SLC2A4: variants seen among roughly 807,000 people sequenced by gnomAD.
SLC2A4 encodes solute carrier family 2, facilitated glucose transporter member 4.
SLC2A4 carries 31 observed loss-of-function variants against 53.3 expected under a neutral mutation model. The observed-to-expected ratio is 0.58, with a 90% CI of 0.44 to 0.78. The LOEUF is 0.78. Among genes scored for constraint, SLC2A4 ranks in the 30% least tolerant of loss-of-function variants. The pLI, the probability that SLC2A4 is intolerant of heterozygous loss-of-function variation, is 0.00. For synonymous variants in SLC2A4, 276 were observed against 281.9 expected (o/e 0.98, Z 0.21); for missense variants, 538 against 655.7 (o/e 0.82, Z 1.96).
intron 10 of SLC2A4, 51 bp from the exon 11 acceptor site, chr17:7,286,375 C>A: frequency 6.4e-7 from 1 of 1,554,188 alleles, no homozygotes; most frequent in South Asian, 1.1e-5. Flanking sequence ...TGAAACTACC[C>A]CTTCCCTCCC....
Position 7,284,005 on chromosome 17 carries a change from G to T in SLC2A4, c.480G>T (p.Val160=). ...CATCAGGGCTGGTGCCCATGTACGTGGGGGAGATTGCTCCCACTCACCTGC... is the reference window on the plus strand; with the variant it reads ...CATCAGGGCTGGTGCCCATGTACGTTGGGGAGATTGCTCCCACTCACCTGC... The part of the protein sequence containing the change: ...GLTSGLVPMY[V]GEIAPTHLRG... The change falls in exon 5 of 11, where the codon GTG becomes GTT. Residue 160 remains valine (V), a synonymous_variant. Coordinates refer to ENST00000317370, the MANE Select transcript of SLC2A4 (RefSeq NM_001042.3). The surrounding 1 kb of genome is among the most constrained non-coding windows in gnomAD (Gnocchi z 7.5). 6.2e-7 allele frequency: 1 copy of T among 1,613,808 alleles called. No homozygotes were observed. Among genetic ancestry groups the T allele is most frequent in the Non-Finnish European group, 8.5e-7 (1 of 1,179,882 alleles).
Position 7,286,647 on chromosome 17 carries a change from G to C in SLC2A4, c.*18G>C. On this transcript the variant is annotated 3_prime_UTR_variant, in exon 11 of 11. Transcript: ENST00000317370. ...ACGACTGAGGGGCCAGGCAGGGGTGGGAGAGCCAGCTCTCTCTACCCGGCC... is the reference window on the plus strand; with the variant it reads ...ACGACTGAGGGGCCAGGCAGGGGTGCGAGAGCCAGCTCTCTCTACCCGGCC... The C allele has an allele frequency of 6.2e-7, 1 of 1,609,492 alleles. No individual in the cohort carries two copies. Among genetic ancestry groups the C allele is most frequent in the Admixed American group, 1.7e-5 (1 of 60,006 alleles).
chr17:7,282,034 G>C lies in SLC2A4; in HGVS notation c.33+67G>C, dbSNP rs1351113956. The C allele has an allele frequency of 7.1e-7, 1 of 1,401,390 alleles. No individual in the cohort carries two copies. Among genetic ancestry groups the C allele is most frequent in the Middle Eastern group, 1.9e-4 (1 of 5,328 alleles). The allele number at this position is 1,401,390 out of a possible 1,614,324, so 86.8% of individuals were successfully genotyped here. A position where few individuals can be genotyped will look rare whatever the true frequency, so the allele number is the denominator to read the frequency against. On this transcript the variant is annotated intron_variant, in intron 1 of 10. Transcript: ENST00000317370. The surrounding 1 kb of genome is among the most constrained non-coding windows in gnomAD (Gnocchi z 4.1). ...CCCGCTTTTCTTGGGCTGGGGTCGC[G>C]GTTGGGGTCAGCTGGGGGTGGTTCC...
rs2072434303 is a variant in SLC2A4 at position 7,284,781 on chromosome 17, G to A, written c.916-54G>A. ...AGGGTAGGGCCAGCCTGTTGTGGCT[G>A]GAGTAGAGGAAGGGGCATTCCTGCC... On this transcript the variant is annotated intron_variant, in intron 7 of 10. Transcript: ENST00000317370. This position sits in a 1 kb window ranked among gnomAD's most constrained non-coding sequence, Gnocchi z 7.5. 6.2e-7 allele frequency: 1 copy of A among 1,612,142 alleles called. No homozygotes were observed. The highest frequency in any genetic ancestry group is 8.5e-7 in the Non-Finnish European group (1 of 1,178,180).
intron 10 of SLC2A4, 195 bp from the exon 11 acceptor site, chr17:7,286,231 G>C (rs951758268): frequency 1.1e-5 from 8 of 700,130 alleles, no homozygotes; most frequent in Non-Finnish European, 1.8e-5. Flanking sequence ...CGAAAACTAA[G>C]AGTGTTTGGG....
At position 7,282,414 on chromosome 17, in the gene SLC2A4, T is replaced by G. The variant is rs2072410132; in HGVS notation, c.33+447T>G. The G allele has an allele frequency of 4.4e-6, 2 of 458,174 alleles. No homozygotes were observed. Among genetic ancestry groups the G allele is most frequent in the Non-Finnish European group, 4.4e-6 (1 of 228,390 alleles). The allele number at this position is 458,174 out of a possible 1,614,324, so 28.4% of individuals were successfully genotyped here. Reference sequence around the variant, plus strand: ...TGGCCGCCCTCCAGGACGCTGAACTTTCCCTTGGCCCCATGGTTGGTGGAG... The same window carrying G: ...TGGCCGCCCTCCAGGACGCTGAACTGTCCCTTGGCCCCATGGTTGGTGGAG... On this transcript the variant is annotated intron_variant, in intron 1 of 10. Coordinates refer to ENST00000317370, the MANE Select transcript of SLC2A4 (RefSeq NM_001042.3). The surrounding 1 kb of genome is among the most constrained non-coding windows in gnomAD (Gnocchi z 4.1).
chr17:7,285,921 G>A lies in SLC2A4; in HGVS notation c.1326+13G>A, dbSNP rs781011890. 68 of 1,607,752 alleles carry A rather than the reference G, an allele frequency of 4.2e-5. No homozygotes were observed. The highest frequency in any genetic ancestry group is 2.5e-4 in the African/African-American group (19 of 74,870). On this transcript the variant is annotated intron_variant, in intron 10 of 10. Coordinates refer to ENST00000317370, the MANE Select transcript of SLC2A4 (RefSeq NM_001042.3). The surrounding 1 kb of genome is among the most constrained non-coding windows in gnomAD (Gnocchi z 6.0). ...CCAGTATGTTGCGGTAGGTCCCCCC[G>A]CCCCAGCCTCCCACACCGTAGGCCA...
In SLC2A4 at chr17:7,287,782, T is replaced by G. The variant is rs2072464833; in HGVS notation, c.*1153T>G. The G allele has an allele frequency of 6.6e-6, 1 of 152,218 alleles. No homozygotes were observed. Among genetic ancestry groups the G allele is most frequent in the African/African-American group, 2.4e-5 (1 of 41,442 alleles). The allele number at this position is 152,218 out of a possible 1,614,324, so 9.4% of individuals were successfully genotyped here. A position where few individuals can be genotyped will look rare whatever the true frequency, so the allele number is the denominator to read the frequency against. On this transcript the variant is annotated 3_prime_UTR_variant, in exon 11 of 11. Transcript: ENST00000317370. ...TTGAGAGAAGAAACCAAAGGTCGGT[T>G]GTACTAAATGTATATATATAGATAC...
At position 7,285,938 on chromosome 17, in the gene SLC2A4, C is replaced by T. The variant is rs373852501; in HGVS notation, c.1326+30C>T. ...GTCCCCCCGCCCCAGCCTCCCACAC[C>T]GTAGGCCAGAGGTGGGCATCACACA... On this transcript the variant is annotated intron_variant, in intron 10 of 10. Transcript: ENST00000317370. The surrounding 1 kb of genome is among the most constrained non-coding windows in gnomAD (Gnocchi z 6.0). 57 of 1,594,388 alleles carry T rather than the reference C, an allele frequency of 3.6e-5. No individual in the cohort carries two copies. In the African/African-American group the frequency reaches 5.4e-4, roughly 15 times the overall value.
In SLC2A4 at chr17:7,285,590, C is replaced by A; in HGVS notation, c.1123-115C>A. ...AAGGGCCTGCTCTAACCCGGGACAGCAGGCCCCCTACAAGCTGCTGCGGAG... is the reference window on the plus strand; with the variant it reads ...AAGGGCCTGCTCTAACCCGGGACAGAAGGCCCCCTACAAGCTGCTGCGGAG... On this transcript the variant is annotated intron_variant, in intron 9 of 10. Transcript: ENST00000317370. The surrounding 1 kb of genome is among the most constrained non-coding windows in gnomAD (Gnocchi z 6.0). 2.0e-6 allele frequency: 2 copies of A among 997,676 alleles called. No homozygotes were observed. The highest frequency in any genetic ancestry group is 3.1e-6 in the Non-Finnish European group (2 of 639,896). 61.8% of individuals were successfully genotyped at this position (997,676 alleles called of 1,614,324 possible).
At position 7,282,001 on chromosome 17, in the gene SLC2A4, G is replaced by GGGGCC; in HGVS notation, c.33+34_33+35insGGGCC. ...CATCATGAGGGGGCGGGGCGGGGGG[G>GGGGCC]CACGGGTCCCGCTTTTCTTGGGCTG... On this transcript the variant is annotated intron_variant, in intron 1 of 10. Coordinates refer to ENST00000317370, the MANE Select transcript of SLC2A4 (RefSeq NM_001042.3). This position sits in a 1 kb window ranked among gnomAD's most constrained non-coding sequence, Gnocchi z 4.1. The GGGGCC allele has an allele frequency of 9.3e-6, 5 of 535,018 alleles. No homozygotes were observed. The highest frequency in any genetic ancestry group is 1.9e-5 in the Non-Finnish European group (5 of 269,450). 33.1% of individuals were successfully genotyped at this position (535,018 alleles called of 1,614,324 possible).
At position 7,284,224 on chromosome 17, in the gene SLC2A4, G is replaced by C. The variant is rs1268425798; in HGVS notation, c.572G>C (p.Gly191Ala). 1 of 1,612,628 alleles carries C rather than the reference G, an allele frequency of 6.2e-7. No individual in the cohort carries two copies. The highest frequency in any genetic ancestry group is 1.3e-5 in the African/African-American group (1 of 74,932). ...VIGILIAQVL[G>A]LESLLGTASL... is the part of the protein sequence containing the mutation. ...CCCAACCTTCTCCCACAGGTGCTGGGCTTGGAGTCCCTCCTGGGCACTGCC... is the reference window on the plus strand; with the variant it reads ...CCCAACCTTCTCCCACAGGTGCTGGCCTTGGAGTCCCTCCTGGGCACTGCC... The change falls in exon 6 of 11, where the codon GGC becomes GCC. Residue 191 changes from glycine to alanine, a missense_variant. Physicochemically the swap from Gly to Ala is moderately conservative, Grantham distance 60. Transcript: ENST00000317370. The surrounding 1 kb of genome is among the most constrained non-coding windows in gnomAD (Gnocchi z 7.5).
Position 7,283,475 on chromosome 17 carries a change from G to T in SLC2A4, c.153G>T (p.Val51=), listed in dbSNP as rs1291662770. The change falls in exon 3 of 11, where the codon GTG becomes GTT. Residue 51 remains valine (V), a splice_region_variant and synonymous_variant. Coordinates refer to ENST00000317370, the MANE Select transcript of SLC2A4 (RefSeq NM_001042.3). The surrounding 1 kb of genome is among the most constrained non-coding windows in gnomAD (Gnocchi z 5.8). ...ATCTGTCCTCTGCTGTCCCCCAGGT[G>T]ATTGAACAGAGCTACAATGAGACGT... The part of the protein sequence containing the change: ...NIGVINAPQK[V]IEQSYNETWL... The T allele has an allele frequency of 6.2e-7, 1 of 1,613,368 alleles. No homozygotes were observed. The highest frequency in any genetic ancestry group is 8.5e-7 in the Non-Finnish European group (1 of 1,179,610).
Position 7,287,115 on chromosome 17 carries a change from G to GTT in SLC2A4, c.*514_*515dup, listed in dbSNP as rs35240617. ...TGCCACGCAGACTCTGGGCAAAGGGGTTTTTTTTTTTTTTTTTTTTTTTTT... is the reference window on the plus strand; with the variant it reads ...TGCCACGCAGACTCTGGGCAAAGGGGTTTTTTTTTTTTTTTTTTTTTTTTTTT... On this transcript the variant is annotated 3_prime_UTR_variant, in exon 11 of 11. Transcript: ENST00000317370. 43 of 97,836 alleles carry GTT rather than the reference G, an allele frequency of 4.4e-4. No individual in the cohort carries two copies. The highest frequency in any genetic ancestry group is 1.2e-3 in the East Asian group (4 of 3,212). The allele number at this position is 97,836 out of a possible 1,614,324, so 6.1% of individuals were successfully genotyped here. A position where few individuals can be genotyped will look rare whatever the true frequency, so the allele number is the denominator to read the frequency against.
chr17:7,285,084 G>T lies in SLC2A4; in HGVS notation c.1021-4G>T. The T allele has an allele frequency of 1.2e-6, 2 of 1,606,334 alleles. No homozygotes were observed. Among genetic ancestry groups the T allele is most frequent in the East Asian group, 2.2e-5 (1 of 44,754 alleles). ...CTGGGGTCAAGCTCCGACTCTCCCC[G>T]CAGGTGTTGTTGGTGGAGCGGGCGG... On this transcript the variant is annotated splice_polypyrimidine_tract_variant and splice_region_variant and intron_variant, in intron 8 of 10. Transcript: ENST00000317370. The surrounding 1 kb of genome is among the most constrained non-coding windows in gnomAD (Gnocchi z 6.0).
Position 7,285,263 on chromosome 17 carries a change from A to T in SLC2A4, c.1122+74A>T. The T allele has an allele frequency of 7.9e-7, 1 of 1,263,028 alleles. No homozygotes were observed. The highest frequency in any genetic ancestry group is 1.1e-6 in the Non-Finnish European group (1 of 892,804). 78.2% of individuals were successfully genotyped at this position (1,263,028 alleles called of 1,614,324 possible). A position where few individuals can be genotyped will look rare whatever the true frequency, so the allele number is the denominator to read the frequency against. On this transcript the variant is annotated intron_variant, in intron 9 of 10. Coordinates refer to ENST00000317370, the MANE Select transcript of SLC2A4 (RefSeq NM_001042.3). This position sits in a 1 kb window ranked among gnomAD's most constrained non-coding sequence, Gnocchi z 6.0. ...GTCCTGTGAGTCTCTGTGACCAGCC[A>T]GGGTCCCTTCTTAACACACATGCTT... is the stretch of plus-strand genomic sequence containing the variant.
rs2072465007 is a variant in SLC2A4, at chr17:7,287,797, T to C, written c.*1168T>C. On this transcript the variant is annotated 3_prime_UTR_variant, in exon 11 of 11. Transcript: ENST00000317370. ...AAAGGTCGGTTGTACTAAATGTATA[T>C]ATATAGATACTTCTATAAAGTCACT... 1 of 152,236 alleles carries C rather than the reference T, an allele frequency of 6.6e-6. No individual in the cohort carries two copies. The highest frequency in any genetic ancestry group is 2.4e-5 in the African/African-American group (1 of 41,456). 9.4% of individuals were successfully genotyped at this position (152,236 alleles called of 1,614,324 possible).
At position 7,283,097 on chromosome 17, in the gene SLC2A4, G is replaced by T. The variant is rs2072415892; in HGVS notation, c.34-148G>T. 5.2e-6 allele frequency: 4 copies of T among 772,666 alleles called. No homozygotes were observed. Among genetic ancestry groups the T allele is most frequent in the Non-Finnish European group, 9.5e-6 (4 of 420,522 alleles). 47.9% of individuals were successfully genotyped at this position (772,666 alleles called of 1,614,324 possible). A position where few individuals can be genotyped will look rare whatever the true frequency, so the allele number is the denominator to read the frequency against. ...CTCCTGTTTACATTGAGATCTTTGT[G>T]CAATTCCTAATATGGCCCAGTTTCC... On this transcript the variant is annotated intron_variant, in intron 1 of 10. Coordinates refer to ENST00000317370, the MANE Select transcript of SLC2A4 (RefSeq NM_001042.3). The surrounding 1 kb of genome is among the most constrained non-coding windows in gnomAD (Gnocchi z 5.8).
Position 7,283,734 on chromosome 17 carries a change from C to G in SLC2A4, c.324-4C>G. On this transcript the variant is annotated splice_region_variant and splice_polypyrimidine_tract_variant and intron_variant, in intron 3 of 10. Transcript: ENST00000317370. This position sits in a 1 kb window ranked among gnomAD's most constrained non-coding sequence, Gnocchi z 5.8. ...CTCACAGCCTCACTCTGTCTGCCTG[C>G]CAGGAAAAGGGCCATGCTGGTCAAC... The G allele has an allele frequency of 6.2e-7, 1 of 1,614,024 alleles. No homozygotes were observed. The highest frequency in any genetic ancestry group is 8.5e-7 in the Non-Finnish European group (1 of 1,180,018).
Sources: gnomAD v4.1 joint callset for allele counts on GRCh38, gnomAD v4.1.1 for gene constraint, Gnocchi (gnomAD v3.1) non-coding constraint, MANE v1.5 for transcripts, NCBI Gene and HGNC (gene_info 2026-07-23, HGNC 2026-07-21) for gene names.